LDLRAD3: variants seen among roughly 807,000 people sequenced by gnomAD.
The protein encoded by LDLRAD3 is low-density lipoprotein receptor class A domain-containing protein 3.
In LDLRAD3, 20 loss-of-function variants were observed where a neutral mutation model predicts 29.4. The observed-to-expected ratio is 0.68, with a 90% CI of 0.48 to 0.99. The LOEUF is 0.99. Among genes scored for constraint, LDLRAD3 ranks in the 50% least tolerant of loss-of-function variants. The probability of loss-of-function intolerance (pLI) is 0.00; values close to 1 mark genes in which losing one functional copy is unlikely to be tolerated. For synonymous variants in LDLRAD3, 157 were observed against 192.7 expected, an observed-to-expected ratio of 0.81 and a Z score of 1.53; for missense variants, 420 against 454.3, an observed-to-expected ratio of 0.92 and a Z score of 0.69.
chr11:35,979,276 C>A (rs1851510896), intron 1 of LDLRAD3, among the ~76,000 whole-genome samples: 1 of 152,198 alleles, frequency 6.6e-6, no homozygotes, highest in Non-Finnish European at 1.5e-5. Flanking sequence ...AGTTTGGTCA[C>A]AGGCTTGACT....
intron 1 of LDLRAD3, among the ~76,000 whole-genome samples, chr11:36,034,286 A>G (rs931533110): frequency 1.3e-5 from 2 of 152,176 alleles, no homozygotes; most frequent in Admixed American, 6.5e-5. Context: ...GAGAGGGGCA[A>G]GCTGGCAGGC....
chr11:36,118,911 T>C (rs1213151959), intron 4 of LDLRAD3, among the ~76,000 whole-genome samples: 4 of 152,272 alleles, frequency 2.6e-5, no homozygotes, highest in Non-Finnish European at 5.9e-5. Context: ...TTGCCTCTTC[T>C]AGAGATTTTA....
intron 4 of LDLRAD3, among the ~76,000 whole-genome samples, chr11:36,191,973 A>AT (rs1218402290): frequency 6.6e-6 from 1 of 152,124 alleles, no homozygotes; most frequent in Non-Finnish European, 1.5e-5. Flanking sequence ...TGGGAAGACA[A>AT]TAGATAATTC....
intron 4 of LDLRAD3, chr11:36,102,011 C>A (rs1045421072): frequency 5.0e-6 from 1 of 201,230 alleles, no homozygotes. Flanking sequence ...GCCTCAGCCT[C>A]CCGAGTAGCT....
In LDLRAD3 at chr11:36,229,388, A is replaced by C; in HGVS notation, c.1029A>C (p.Glu343Asp). Residue 343 changes from glutamate (E) to aspartate (D), a missense_variant, in exon 6 of 6, where the codon GAA becomes GAC. By Grantham distance (45) the Glu-to-Asp change is conservative. This residue lies in a region of LDLRAD3 where 140 missense variants were observed against 139.9 expected (regional missense o/e 1.00). Coordinates refer to ENST00000315571, the MANE Select transcript of LDLRAD3 (RefSeq NM_174902.4). ...PRDSEPSQGT[E>D]EV ...ACTCTGAGCCCAGCCAGGGCACTGA[A>C]GAAGTATAAGTCCCAGTTATTCCAA... 6.2e-7 allele frequency: 1 copy of C among 1,607,810 alleles called. No homozygotes were observed. The highest frequency in any genetic ancestry group is 8.5e-7 in the Non-Finnish European group (1 of 1,174,880).
At chr11:36,068,021 C>T (rs570205466) in intron 2 of LDLRAD3, among the ~76,000 whole-genome samples, 1 of 152,318 alleles carries the variant, frequency 6.6e-6, no homozygotes, top group South Asian at 2.1e-4. Context: ...GTGCTTACCA[C>T]ATCTCATTGC....
At chr11:36,203,134 A>C (rs560817240) in intron 4 of LDLRAD3, among the ~76,000 whole-genome samples, 1 of 151,344 alleles carries the variant, frequency 6.6e-6, no homozygotes, top group South Asian at 2.1e-4. Flanking sequence ...ACAGTGTCTC[A>C]CTGTGTTGCC....
At chr11:36,077,642 A>G (rs191927654) in intron 2 of LDLRAD3, among the ~76,000 whole-genome samples, 1 of 152,320 alleles carries the variant, frequency 6.6e-6, no homozygotes, top group African/African-American at 2.4e-5. Flanking sequence ...TGGACCAGGC[A>G]TACCTTAAGC....
chr11:36,150,520 C>G (rs901631775), intron 4 of LDLRAD3, among the ~76,000 whole-genome samples: 1 of 150,920 alleles, frequency 6.6e-6, no homozygotes, highest in Admixed American at 6.6e-5. Context: ...AGAGCGAGAC[C>G]TTGTCTCTTT....
chr11:36,047,325 A>T (rs901221671), intron 2 of LDLRAD3, among the ~76,000 whole-genome samples: 10 of 152,254 alleles, frequency 6.6e-5, no homozygotes, highest in African/African-American at 2.4e-4. Flanking sequence ...TCCATTCTGC[A>T]TCTTTCATGC....
intron 1 of LDLRAD3, among the ~76,000 whole-genome samples, chr11:35,980,906 A>G (rs1851532216): frequency 6.6e-6 from 1 of 152,146 alleles, no homozygotes; most frequent in South Asian, 2.1e-4. Context: ...CTTTTGAACT[A>G]GTGGTGGGAA....
intron 1 of LDLRAD3, among the ~76,000 whole-genome samples, chr11:36,002,466 C>G (rs1203061452): frequency 6.6e-6 from 1 of 152,340 alleles, no homozygotes; most frequent in African/African-American, 2.4e-5. Context: ...TGATTCTGTT[C>G]CTGTGACTGT....
chr11:36,004,960 A>C (rs1205325175), intron 1 of LDLRAD3, among the ~76,000 whole-genome samples: 1 of 152,176 alleles, frequency 6.6e-6, no homozygotes, highest in Non-Finnish European at 1.5e-5. Flanking sequence ...TGCAGAGAGC[A>C]ACTGGGTCCT....
At chr11:36,083,991 T>A (rs922097750) in intron 3 of LDLRAD3, among the ~76,000 whole-genome samples, 1 of 152,108 alleles carries the variant, frequency 6.6e-6, no homozygotes, top group African/African-American at 2.4e-5. Flanking sequence ...CCATCACAGC[T>A]CACTCCAGCC....
At chr11:36,199,438 C>A (rs1289320045) in intron 4 of LDLRAD3, among the ~76,000 whole-genome samples, 1 of 152,112 alleles carries the variant, frequency 6.6e-6, no homozygotes, top group Admixed American at 6.5e-5. Flanking sequence ...ATTTGCTTTC[C>A]ACCTCTTTCT....
At chr11:36,219,121 G>T (rs1855393652) in intron 4 of LDLRAD3, among the ~76,000 whole-genome samples, 1 of 152,148 alleles carries the variant, frequency 6.6e-6, no homozygotes, top group Admixed American at 6.5e-5. Flanking sequence ...TTGACATATT[G>T]TCCATGACAG....
chr11:35,983,443 G>T (rs1489180308), intron 1 of LDLRAD3, among the ~76,000 whole-genome samples: 3 of 152,094 alleles, frequency 2.0e-5, no homozygotes, highest in Non-Finnish European at 4.4e-5. Flanking sequence ...GACCTGTTTG[G>T]GCTATGAGGC....
chr11:36,192,525 G>T (rs886447037), intron 4 of LDLRAD3, among the ~76,000 whole-genome samples: 1 of 152,230 alleles, frequency 6.6e-6, no homozygotes, highest in African/African-American at 2.4e-5. Context: ...AAATGGGTTT[G>T]GGTCACACAC....
chr11:36,206,580 T>C (rs1855211551), intron 4 of LDLRAD3, among the ~76,000 whole-genome samples: 1 of 152,138 alleles, frequency 6.6e-6, no homozygotes, highest in South Asian at 2.1e-4. Context: ...TCTTGAAGGC[T>C]GGCCAGATGT....
Sources: gnomAD v4.1 joint callset for allele counts (sites outside exome capture counted in the v4.1 genomes callset) on GRCh38, gnomAD v4.1.1 for gene constraint, gnomAD v4.1.1 regional missense constraint, MANE v1.5 for transcripts, NCBI Gene and HGNC (gene_info 2026-07-23, HGNC 2026-07-21) for gene names.